CDC42: variants seen among roughly 807,000 people sequenced by gnomAD.
CDC42 encodes the protein cell division cycle 42, also known as cell division control protein 42 homolog.
In CDC42, 1 loss-of-function variant was observed where a neutral mutation model predicts 20.8. That is an observed-to-expected ratio of 0.05 (90% confidence interval 0.02 to 0.23). The LOEUF (loss-of-function observed/expected upper bound fraction) is 0.23, where lower values mean the gene tolerates loss of function less well. CDC42 is among the 10% of genes least tolerant of loss of function. The pLI is 1.00. For missense variants in CDC42, 49 were observed against 227.9 expected (o/e 0.21, Z 5.05); for synonymous variants, 72 against 84.8 (o/e 0.85, Z 0.83).
intron 1 of CDC42, chr1:22,053,262 G>A (rs1645257089): frequency 6.6e-6 from 1 of 151,538 alleles, no homozygotes; most frequent in South Asian, 2.1e-4. Context: ...TTGCGGCGGG[G>A]GTGGGGGGGC....
In CDC42 at chr1:22,094,423, G is replaced by A. The variant is rs372682897; in HGVS notation, c.*2906G>A. Among the ~76,000 whole-genome samples, 3 of 137,640 alleles carry A rather than the reference G, an allele frequency of 2.2e-5. No homozygotes were observed. Among genetic ancestry groups the A allele is most frequent in the Non-Finnish European group, 4.6e-5 (3 of 65,248 alleles). 90.3% of individuals were successfully genotyped at this position (137,640 alleles called of 152,430 possible). On this transcript the variant is annotated 3_prime_UTR_variant, in exon 6 of 6. Transcript: ENST00000656825. ...CGCCATTCTCCTGCCTCAGCCTCCC[G>A]AGTAGCTGGGACTACCGGCGCCCGC...
At chr1:22,073,990 A>G (rs560725505) in intron 1 of CDC42, 2 of 152,126 alleles carry the variant, frequency 1.3e-5, no homozygotes, top group South Asian at 4.1e-4. Flanking sequence ...GCCCAACCCC[A>G]ATTCTAAGTT....
rs1426913311 is a variant in CDC42 at position 22,074,812 on chromosome 1, CAG to C, written c.-50-3614_-50-3613del. Reference sequence around the variant, plus strand: ...GGGCAGTGTGCTTCATTCCACAAAACAGAGTTGAGCAGAAGAGGTTGGCTTAA... The same window carrying C: ...GGGCAGTGTGCTTCATTCCACAAAACAGTTGAGCAGAAGAGGTTGGCTTAA... On this transcript the variant is annotated intron_variant, in intron 1 of 5. Transcript: ENST00000656825. Among the ~76,000 whole-genome samples, 6 of 152,262 alleles carry C rather than the reference CAG, an allele frequency of 3.9e-5. No individual in the cohort carries two copies. The East Asian group carries it at 5.8e-4, about 15-fold the overall frequency.
rs755373189 is a variant in CDC42, at chr1:22,097,396, C to T, written c.*5879C>T. ...AGCTGGGACTACAGGCGTGAGCCACCGTGCCTGGCTAATTTTTGTATTTTT... is the reference window on the plus strand; with the variant it reads ...AGCTGGGACTACAGGCGTGAGCCACTGTGCCTGGCTAATTTTTGTATTTTT... On this transcript the variant is annotated 3_prime_UTR_variant, in exon 6 of 6. Transcript: ENST00000656825. Among the ~76,000 whole-genome samples, 15 of 152,080 alleles carry T rather than the reference C, an allele frequency of 9.9e-5. No homozygotes were observed. The highest frequency in any genetic ancestry group is 1.9e-4 in the Non-Finnish European group (13 of 68,018).
chr1:22,064,620 G>T (rs1022363870), intron 1 of CDC42, among the ~76,000 whole-genome samples: 1 of 151,986 alleles, frequency 6.6e-6, no homozygotes, highest in Non-Finnish European at 1.5e-5. Flanking sequence ...GTTTTCAGGG[G>T]TGTATAATTG....
chr1:22,056,031 A>G (rs1020792041), intron 1 of CDC42, among the ~76,000 whole-genome samples: 1 of 152,170 alleles, frequency 6.6e-6, no homozygotes, highest in Non-Finnish European at 1.5e-5. Flanking sequence ...GTAATGCCTT[A>G]TTCAGTGTTC....
chr1:22,055,403 C>G (rs1407537641), intron 1 of CDC42, among the ~76,000 whole-genome samples: 1 of 149,652 alleles, frequency 6.7e-6, no homozygotes, highest in Non-Finnish European at 1.5e-5. Context: ...ACAACCAATA[C>G]CTGTCCGTAT....
intron 1 of CDC42, among the ~76,000 whole-genome samples, chr1:22,063,747 T>G (rs1001292051): frequency 6.6e-6 from 1 of 152,020 alleles, no homozygotes; most frequent in African/African-American, 2.4e-5. Context: ...TGAGACAGAG[T>G]CTTGCTCTTG....
intron 1 of CDC42, among the ~76,000 whole-genome samples, chr1:22,067,057 G>T (rs747077551): frequency 6.6e-6 from 1 of 152,124 alleles, no homozygotes; most frequent in Non-Finnish European, 1.5e-5. Context: ...AGCCTGGCAC[G>T]TCTGGGGAGG....
intron 1 of CDC42, among the ~76,000 whole-genome samples, chr1:22,055,295 T>C (rs987639025): frequency 5.3e-5 from 8 of 152,030 alleles, no homozygotes; most frequent in Non-Finnish European, 1.0e-4. Flanking sequence ...AAGAGTTTGG[T>C]AATCAACTAA....
chr1:22,095,066 GACA>G lies in CDC42; in HGVS notation c.*3553_*3555del, dbSNP rs1359953458. 2.6e-5 allele frequency among the ~76,000 whole-genome samples: 4 copies of G among 152,284 alleles called. No homozygotes were observed. The highest frequency in any genetic ancestry group is 9.6e-5 in the African/African-American group (4 of 41,560). Reference sequence around the variant, plus strand: ...TTTGTTATATAACTGTGGGGCAAGGGACAACATTTCACCAGGAAGTAGCAACTC... The same window carrying G: ...TTTGTTATATAACTGTGGGGCAAGGGACATTTCACCAGGAAGTAGCAACTC... On this transcript the variant is annotated 3_prime_UTR_variant, in exon 6 of 6. Coordinates refer to ENST00000656825, the MANE Select transcript of CDC42 (RefSeq NM_001791.4).
At chr1:22,066,653 T>C (rs10917137) in intron 1 of CDC42, among the ~76,000 whole-genome samples, 1,683 of 151,652 alleles carry the variant, frequency 0.011, 29 homozygotes, top group African/African-American at 0.038. Context: ...AGGGTACTAT[T>C]GCCCTGGATA....
At chr1:22,054,917 ATATATTTTTTTTTTTTTTTTTTTTTT>A (rs1557890156) in intron 1 of CDC42, among the ~76,000 whole-genome samples, 87 of 12,226 alleles carry the variant, frequency 7.1e-3, no homozygotes, top group Non-Finnish European at 0.011. Flanking sequence ...ATATATATAT[ATATATTTTTTTTTTTTTTTTTTTTTT>A]TTTTTTTTTT....
intron 1 of CDC42, among the ~76,000 whole-genome samples, chr1:22,057,388 C>G (rs1645314148): frequency 6.6e-6 from 1 of 152,106 alleles, no homozygotes; most frequent in Non-Finnish European, 1.5e-5. Flanking sequence ...AAAAACATTT[C>G]TTTTTTCTTT....
At chr1:22,081,591 T>C in intron 2 of CDC42, 131 bp from the exon 3 acceptor site, 2 of 619,448 alleles carry the variant, frequency 3.2e-6, no homozygotes, top group South Asian at 3.8e-5. Context: ...AGATTGGTTA[T>C]ATAAGGATGA....
At chr1:22,088,591 C>T (rs990627833) in intron 5 of CDC42, among the ~76,000 whole-genome samples, 4 of 152,126 alleles carry the variant, frequency 2.6e-5, no homozygotes, top group African/African-American at 9.7e-5. Context: ...AAACTAAAGT[C>T]TTAATATAAA....
At chr1:22,071,822 T>C (rs1645495357) in intron 1 of CDC42, among the ~76,000 whole-genome samples, 1 of 152,122 alleles carries the variant, frequency 6.6e-6, no homozygotes, top group African/African-American at 2.4e-5. Context: ...AACTTTACTT[T>C]TAGTGTGTTT....
At chr1:22,071,068 GAGT>G (rs1261613421) in intron 1 of CDC42, among the ~76,000 whole-genome samples, 2 of 103,872 alleles carry the variant, frequency 1.9e-5, no homozygotes, top group Non-Finnish European at 3.6e-5. Context: ...TTTTGAGATG[GAGT>G]CTCGCTCTGT....
chr1:22,058,945 G>A (rs1352199459), intron 1 of CDC42, among the ~76,000 whole-genome samples: 1 of 151,878 alleles, frequency 6.6e-6, no homozygotes, highest in Non-Finnish European at 1.5e-5. Context: ...CTCCCAAGTA[G>A]CTGGGATTGC....
Sources: allele counts gnomAD v4.1 joint callset (sites outside exome capture counted in the v4.1 genomes callset), GRCh38; gene constraint gnomAD v4.1.1; transcripts MANE v1.5; gene names NCBI Gene and HGNC (gene_info 2026-07-23, HGNC 2026-07-21).